SDCCAG8: variants seen among roughly 807,000 people sequenced by gnomAD.
SDCCAG8 encodes SHH signaling and ciliogenesis regulator SDCCAG8, also known as serologically defined colon cancer antigen 8.
SDCCAG8 carries 74 observed loss-of-function variants against 101.8 expected under a neutral mutation model. The ratio of observed to expected loss-of-function variants is 0.73; its 90% CI spans 0.60 to 0.88. The LOEUF (loss-of-function observed/expected upper bound fraction) is 0.88, where lower values mean the gene tolerates loss of function less well. Among genes scored for constraint, SDCCAG8 ranks in the 40% least tolerant of loss-of-function variants. SDCCAG8 has a pLI of 0.00. For missense variants in SDCCAG8, 787 were observed against 822.6 expected, an observed-to-expected ratio of 0.96 and a Z score of 0.53; for synonymous variants, 281 against 292.9, an observed-to-expected ratio of 0.96 and a Z score of 0.41.
intron 16 of SDCCAG8, among the ~76,000 whole-genome samples, chr1:243,473,168 C>A (rs1391681990): frequency 1.3e-5 from 2 of 152,138 alleles, no homozygotes; most frequent in Admixed American, 1.3e-4. Flanking sequence ...ACTTTAATCT[C>A]TTTTACCTTC....
chr1:243,368,390 C>T (rs1346546124), intron 12 of SDCCAG8, among the ~76,000 whole-genome samples: 1 of 152,080 alleles, frequency 6.6e-6, no homozygotes, highest in Middle Eastern at 3.2e-3. Context: ...GTTATGTTCT[C>T]TCCACAAACA....
intron 6 of SDCCAG8, among the ~76,000 whole-genome samples, chr1:243,296,030 C>CT (rs1346871767): frequency 1.3e-5 from 2 of 152,128 alleles, no homozygotes; most frequent in Non-Finnish European, 2.9e-5. Context: ...GGATCTAGCT[C>CT]TGTCACCCAG....
chr1:243,488,894 C>T (rs1665682327), intron 16 of SDCCAG8, 120 bp from the exon 17 acceptor site: 4 of 1,432,660 alleles, frequency 2.8e-6, no homozygotes, highest in Non-Finnish European at 3.9e-6. Flanking sequence ...ACCTCAGGGT[C>T]ACCCTAGGCG....
At chr1:243,438,601 G>A (rs2082311927) in intron 16 of SDCCAG8, among the ~76,000 whole-genome samples, 1 of 152,038 alleles carries the variant, frequency 6.6e-6, no homozygotes, top group Non-Finnish European at 1.5e-5. Flanking sequence ...AGACCCCTCA[G>A]AAGTTAGACC....
intron 16 of SDCCAG8, chr1:243,476,089 AC>A: frequency 2.0e-6 from 2 of 985,156 alleles, no homozygotes; most frequent in Non-Finnish European, 2.4e-6. Flanking sequence ...TGTGTGGAGG[AC>A]CCCCTTTTAC....
chr1:243,392,196 G>A (rs577020179), intron 13 of SDCCAG8, among the ~76,000 whole-genome samples: 22 of 152,292 alleles, frequency 1.4e-4, no homozygotes, highest in African/African-American at 4.1e-4. Context: ...ATTTTAATAT[G>A]AGTTCAGGTA....
chr1:243,350,231 C>T (rs1043587638), intron 12 of SDCCAG8, among the ~76,000 whole-genome samples: 9 of 151,384 alleles, frequency 5.9e-5, no homozygotes, highest in Non-Finnish European at 8.8e-5. Context: ...TTTTTTGAGA[C>T]GGAGTCTCAT....
At chr1:243,347,920 A>G (rs1256802812) in intron 12 of SDCCAG8, among the ~76,000 whole-genome samples, 1 of 152,176 alleles carries the variant, frequency 6.6e-6, no homozygotes, top group Non-Finnish European at 1.5e-5. Flanking sequence ...GAAAGCAGGA[A>G]AGAAGTGATA....
intron 13 of SDCCAG8, among the ~76,000 whole-genome samples, chr1:243,407,204 A>G (rs1477459845): frequency 6.6e-6 from 1 of 152,242 alleles, no homozygotes; most frequent in Admixed American, 6.5e-5. Flanking sequence ...TTGATTAAAC[A>G]AACCCATCAT....
chr1:243,280,049 G>A (rs1408856975), intron 4 of SDCCAG8, among the ~76,000 whole-genome samples: 1 of 152,090 alleles, frequency 6.6e-6, no homozygotes, highest in African/African-American at 2.4e-5. Flanking sequence ...TGTTTTGAAA[G>A]GTTGCTAATT....
intron 16 of SDCCAG8, chr1:243,475,945 G>A: frequency 1.0e-6 from 1 of 985,394 alleles, no homozygotes; most frequent in Non-Finnish European, 1.2e-6. Flanking sequence ...ACACAACTGG[G>A]CAGGCTCCAT....
intron 9 of SDCCAG8, among the ~76,000 whole-genome samples, chr1:243,327,216 C>G (rs1301514221): frequency 6.6e-6 from 1 of 151,392 alleles, no homozygotes; most frequent in African/African-American, 2.4e-5. Context: ...CTATAAAGAT[C>G]TATCATTTAA....
chr1:243,306,813 GT>G (rs955584452), intron 7 of SDCCAG8, among the ~76,000 whole-genome samples: 7 of 151,062 alleles, frequency 4.6e-5, no homozygotes, highest in Admixed American at 6.6e-5. Context: ...CCATTCCAAA[GT>G]TTTTTTTTAA....
At chr1:243,266,943 CAAAA>C (rs376247572) in intron 1 of SDCCAG8, among the ~76,000 whole-genome samples, 1 of 100,610 alleles carries the variant, frequency 9.9e-6, no homozygotes, top group Non-Finnish European at 1.9e-5. Context: ...AACTTCGTCT[CAAAA>C]AAAAAAAAAA....
intron 16 of SDCCAG8, among the ~76,000 whole-genome samples, chr1:243,466,001 TG>T (rs1305298505): frequency 6.6e-6 from 1 of 152,340 alleles, no homozygotes; most frequent in Admixed American, 6.5e-5. Context: ...TCTATCTTAG[TG>T]GGGCTGGCTA....
At chr1:243,286,237 A>G (rs766344027) in intron 4 of SDCCAG8, 35 bp from the exon 5 acceptor site, 15 of 1,604,606 alleles carry the variant, frequency 9.3e-6, no homozygotes, top group African/African-American at 2.7e-5. Context: ...ACACTGCTTA[A>G]TAATGCTTAA....
At chr1:243,402,799 G>T (rs565005816) in intron 13 of SDCCAG8, among the ~76,000 whole-genome samples, 1 of 152,244 alleles carries the variant, frequency 6.6e-6, no homozygotes, top group African/African-American at 2.4e-5. Flanking sequence ...AGAAAATCAT[G>T]TCATCTTTTT....
intron 8 of SDCCAG8, among the ~76,000 whole-genome samples, chr1:243,313,022 C>T (rs527836204): frequency 6.6e-6 from 1 of 152,154 alleles, no homozygotes; most frequent in South Asian, 2.1e-4. Context: ...TGCTTAAATT[C>T]CTTTCTGTAG....
At chr1:243,406,706 T>C (rs2079808825) in intron 13 of SDCCAG8, among the ~76,000 whole-genome samples, 1 of 152,116 alleles carries the variant, frequency 6.6e-6, no homozygotes, top group Admixed American at 6.5e-5. Flanking sequence ...AAGTCTCGTC[T>C]TTCTTCAATA....
Sources: gnomAD v4.1 joint callset for allele counts (sites outside exome capture counted in the v4.1 genomes callset) on GRCh38, gnomAD v4.1.1 for gene constraint, MANE v1.5 for transcripts, NCBI Gene and HGNC (gene_info 2026-07-23, HGNC 2026-07-21) for gene names.